DOCK4: variants seen among roughly 807,000 people sequenced by gnomAD.
The protein encoded by DOCK4 is dedicator of cytokinesis protein 4.
In DOCK4, 97 loss-of-function variants were observed where a neutral mutation model predicts 268.1. The ratio of observed to expected loss-of-function variants is 0.36; its 90% CI spans 0.31 to 0.43. DOCK4 has a LOEUF of 0.43. Among genes scored for constraint, DOCK4 ranks in the 20% least tolerant of loss-of-function variants. The probability of loss-of-function intolerance (pLI) is 1.00; values close to 1 mark genes in which losing one functional copy is unlikely to be tolerated. For synonymous variants in DOCK4, 954 were observed against 887.2 expected, an observed-to-expected ratio of 1.08 and a Z score of -1.34; for missense variants, 2,145 against 2,455.7, an observed-to-expected ratio of 0.87 and a Z score of 2.67.
At chr7:111,739,302 A>G in intron 48 of DOCK4, 59 bp from the exon 49 acceptor site, 1 of 1,595,272 alleles carries the variant, frequency 6.3e-7, no homozygotes, top group East Asian at 2.2e-5. Flanking sequence ...ACCTGTTTGG[A>G]GGCGAGAGCC....
intron 25 of DOCK4, among the ~76,000 whole-genome samples, chr7:111,841,843 T>C (rs1803722147): frequency 6.6e-6 from 1 of 152,198 alleles, no homozygotes; most frequent in African/African-American, 2.4e-5. Flanking sequence ...TATTACACTG[T>C]ATGGCCTGAA....
intron 1 of DOCK4, among the ~76,000 whole-genome samples, chr7:112,170,997 A>C (rs559476290): frequency 6.6e-6 from 1 of 152,324 alleles, no homozygotes; most frequent in South Asian, 2.1e-4. Flanking sequence ...ACAGAAAAGG[A>C]AGGCTAAACT....
At chr7:112,052,162 T>C (rs1470879343) in intron 1 of DOCK4, among the ~76,000 whole-genome samples, 5 of 152,102 alleles carry the variant, frequency 3.3e-5, no homozygotes, top group African/African-American at 4.8e-5. Flanking sequence ...TAGGGAATAA[T>C]GAGAAGAAAA....
chr7:111,874,408 G>A (rs1223293313), intron 17 of DOCK4, among the ~76,000 whole-genome samples: 5 of 152,118 alleles, frequency 3.3e-5, no homozygotes, highest in Non-Finnish European at 2.9e-5. Context: ...CAGATTACAG[G>A]GGTCCAGAAA....
chr7:111,732,842 T>C (rs534116141), intron 51 of DOCK4, among the ~76,000 whole-genome samples: 1 of 152,346 alleles, frequency 6.6e-6, no homozygotes, highest in Admixed American at 6.5e-5. Context: ...TTTCTTCCCC[T>C]AATGCTTGTA....
At chr7:111,945,219 C>T (rs1394403735) in intron 9 of DOCK4, among the ~76,000 whole-genome samples, 1 of 152,176 alleles carries the variant, frequency 6.6e-6, no homozygotes, top group African/African-American at 2.4e-5. Context: ...GAGTTTCGCT[C>T]TTGTTGCCCA....
At chr7:112,179,437 T>C (rs1419904928) in intron 1 of DOCK4, among the ~76,000 whole-genome samples, 1 of 151,586 alleles carries the variant, frequency 6.6e-6, no homozygotes, top group Admixed American at 6.6e-5. Context: ...TCTAGTAGCA[T>C]TGCCTTACAG....
At chr7:111,775,993 CT>C (rs1798419890) in intron 36 of DOCK4, among the ~76,000 whole-genome samples, 1 of 152,204 alleles carries the variant, frequency 6.6e-6, no homozygotes, top group African/African-American at 2.4e-5. Context: ...TGAAGTCAGA[CT>C]CATCTCCAAG....
intron 1 of DOCK4, among the ~76,000 whole-genome samples, chr7:112,076,438 G>A (rs1331969864): frequency 6.6e-6 from 1 of 152,078 alleles, no homozygotes; most frequent in Non-Finnish European, 1.5e-5. Context: ...TTTAAAAACA[G>A]ATGAGGAAAG....
At chr7:111,918,590 G>A (rs1045438790) in intron 12 of DOCK4, among the ~76,000 whole-genome samples, 1 of 152,150 alleles carries the variant, frequency 6.6e-6, no homozygotes, top group Non-Finnish European at 1.5e-5. Context: ...ATCTGTCCCA[G>A]CAGCTATTTC....
At chr7:112,189,555 C>T (rs759828246) in intron 1 of DOCK4, among the ~76,000 whole-genome samples, 2 of 152,110 alleles carry the variant, frequency 1.3e-5, no homozygotes, top group African/African-American at 4.8e-5. Context: ...TATACCTACA[C>T]ACACTGACTC....
intron 1 of DOCK4, among the ~76,000 whole-genome samples, chr7:112,160,904 C>T (rs1384949946): frequency 6.6e-6 from 1 of 152,174 alleles, no homozygotes; most frequent in Non-Finnish European, 1.5e-5. Flanking sequence ...ACTCTGAGCT[C>T]TATTAAGCAG....
At chr7:111,910,548 A>G (rs1455673758) in intron 13 of DOCK4, among the ~76,000 whole-genome samples, 1 of 152,226 alleles carries the variant, frequency 6.6e-6, no homozygotes, top group Non-Finnish European at 1.5e-5. Context: ...AAACGCTAAT[A>G]TTTTGGATGT....
intron 1 of DOCK4, among the ~76,000 whole-genome samples, chr7:112,160,658 C>T (rs1168191033): frequency 1.3e-5 from 2 of 152,206 alleles, no homozygotes; most frequent in African/African-American, 4.8e-5. Flanking sequence ...GGCACCCCCA[C>T]TGCCCCAGCC....
Position 111,940,234 on chromosome 7 carries a change from C to G in DOCK4, c.853G>C (p.Gly285Arg), listed in dbSNP as rs756330877. Reference sequence around the variant, plus strand: ...CAGGCATTCTTTTTTTCTCCTGCTCCCATTCGACCTGTTCAATTAAAGAGC... The same window carrying G: ...CAGGCATTCTTTTTTTCTCCTGCTCGCATTCGACCTGTTCAATTAAAGAGC... ...TVHIIRIGRMGAGEKKNACSV... is the reference protein window; with the variant it reads ...TVHIIRIGRMRAGEKKNACSV... Residue 285 changes from glycine (G) to arginine (R), a missense_variant, in exon 11 of 53, where the codon GGA becomes CGA. By Grantham distance (125) the Gly-to-Arg change is moderately radical (BLOSUM62 -2). Transcript: ENST00000428084. 6.2e-7 allele frequency: 1 copy of G among 1,613,972 alleles called. No homozygotes were observed. The highest frequency in any genetic ancestry group is 1.7e-5 in the Admixed American group (1 of 60,018).
At chr7:112,034,643 G>A (rs997937826) in intron 1 of DOCK4, among the ~76,000 whole-genome samples, 2 of 152,204 alleles carry the variant, frequency 1.3e-5, no homozygotes, top group Non-Finnish European at 2.9e-5. Context: ...GCTCACGCCT[G>A]TAATCCCACA....
intron 1 of DOCK4, among the ~76,000 whole-genome samples, chr7:112,135,630 G>C (rs1814262063): frequency 6.6e-6 from 1 of 151,908 alleles, no homozygotes; most frequent in South Asian, 2.1e-4. Flanking sequence ...TAAGCTGCCT[G>C]TAGACTGCTG....
chr7:111,841,351 G>A (rs1344781353), intron 25 of DOCK4, among the ~76,000 whole-genome samples: 1 of 151,850 alleles, frequency 6.6e-6, no homozygotes, highest in African/African-American at 2.4e-5. Context: ...ATTTTTAGTG[G>A]GGGTTTCAAG....
intron 1 of DOCK4, among the ~76,000 whole-genome samples, chr7:112,007,064 A>G (rs898200061): frequency 2.6e-5 from 4 of 152,186 alleles, no homozygotes; most frequent in African/African-American, 9.7e-5. Context: ...GCTTTGCTCC[A>G]AGGTTAGGAC....
Sources: allele counts gnomAD v4.1 joint callset (sites outside exome capture counted in the v4.1 genomes callset), GRCh38; gene constraint gnomAD v4.1.1; transcripts MANE v1.5; gene names NCBI Gene and HGNC (gene_info 2026-07-23, HGNC 2026-07-21).